Variants in MPP7 observed in about 807,000 individuals in gnomAD.
MPP7 encodes the protein MAGUK p55 subfamily member 7.
Under a neutral mutation model 76.5 loss-of-function variants are expected in MPP7, and 60 were observed. That is an observed-to-expected ratio of 0.78 (90% CI 0.64 to 0.97). MPP7 has a LOEUF of 0.97. MPP7 is among the 50% of genes least tolerant of loss of function. The pLI, the probability that MPP7 is intolerant of heterozygous loss-of-function variation, is 0.00. For missense variants in MPP7, 641 were observed against 694.0 expected, an observed-to-expected ratio of 0.92 and a Z score of 0.86; for synonymous variants, 237 against 244.5, an observed-to-expected ratio of 0.97 and a Z score of 0.29.
chr10:28,120,903 T>C (rs1834815069), intron 8 of MPP7, among the ~76,000 whole-genome samples: 1 of 152,242 alleles, frequency 6.6e-6, no homozygotes, highest in African/African-American at 2.4e-5. Flanking sequence ...TTACTTCCTG[T>C]GTACTTTTAA....
intron 8 of MPP7, among the ~76,000 whole-genome samples, chr10:28,121,378 A>G (rs1834833820): frequency 6.6e-6 from 1 of 152,042 alleles, no homozygotes; most frequent in Non-Finnish European, 1.5e-5. Context: ...TGCAGTTACA[A>G]ATACATGATT....
At chr10:28,148,541 C>A (rs1193446120) in intron 4 of MPP7, among the ~76,000 whole-genome samples, 4 of 151,966 alleles carry the variant, frequency 2.6e-5, no homozygotes, top group Non-Finnish European at 5.9e-5. Context: ...AAAAGAAGGG[C>A]ATAATATAAA....
intron 3 of MPP7, among the ~76,000 whole-genome samples, chr10:28,166,626 C>T (rs189898963): frequency 0.019 from 2,944 of 151,998 alleles, 102 homozygotes; most frequent in African/African-American, 0.067. Flanking sequence ...AGGCTGGTCT[C>T]GAACTCCCGA....
At chr10:28,276,484 T>C (rs786691) in intron 1 of MPP7, among the ~76,000 whole-genome samples, 29,791 of 152,108 alleles carry the variant, frequency 0.2, 3,767 homozygotes, top group Middle Eastern at 0.3. Context: ...ATAGCTTCTA[T>C]ATACAAGGTA....
intron 5 of MPP7, among the ~76,000 whole-genome samples, chr10:28,134,199 C>G (rs769893946): frequency 1.3e-5 from 2 of 152,066 alleles, no homozygotes; most frequent in Non-Finnish European, 2.9e-5. Flanking sequence ...CATTATTAGT[C>G]TAAATTTGGC....
chr10:28,070,964 C>T (rs571625646), intron 12 of MPP7, among the ~76,000 whole-genome samples: 61 of 152,284 alleles, frequency 4.0e-4, no homozygotes, highest in Middle Eastern at 3.4e-3. Context: ...TGTGGTTCAG[C>T]GGGTGACACA....
chr10:28,309,239 C>A (rs961951127), intron 2 of MPP7, among the ~76,000 whole-genome samples: 1 of 152,092 alleles, frequency 6.6e-6, no homozygotes, highest in South Asian at 2.1e-4. Flanking sequence ...CATCGTGAAA[C>A]CCCATCTCTA....
chr10:28,219,932 C>T (rs1838443597), intron 2 of MPP7, among the ~76,000 whole-genome samples: 1 of 152,054 alleles, frequency 6.6e-6, no homozygotes, highest in Non-Finnish European at 1.5e-5. Context: ...TCCAAAACTA[C>T]CTATAGTACA....
chr10:28,117,072 C>A (rs1044997737), intron 11 of MPP7, among the ~76,000 whole-genome samples: 10 of 152,038 alleles, frequency 6.6e-5, no homozygotes. Flanking sequence ...CCCTATAGTT[C>A]CAGAACCATC....
chr10:28,162,641 G>A (rs191641990), intron 3 of MPP7, among the ~76,000 whole-genome samples: 3 of 152,172 alleles, frequency 2.0e-5, no homozygotes, highest in East Asian at 1.9e-4. Context: ...TGCAGCAGGC[G>A]GCCTCTAAAA....
chr10:28,055,454 A>G (rs542904149), intron 16 of MPP7, among the ~76,000 whole-genome samples: 2 of 152,354 alleles, frequency 1.3e-5, no homozygotes, highest in Non-Finnish European at 2.9e-5. Flanking sequence ...CAAGAAAAAA[A>G]TAAGCTCTTC....
At chr10:28,163,959 AG>A (rs1836355233) in intron 3 of MPP7, among the ~76,000 whole-genome samples, 2 of 151,976 alleles carry the variant, frequency 1.3e-5, no homozygotes, top group South Asian at 4.1e-4. Context: ...TAAAAACCAG[AG>A]GAACGATGCT....
rs1280530451 is a variant in MPP7 at position 28,195,089 on chromosome 10, T to G, written c.156+7064A>C. Among the ~76,000 whole-genome samples the G allele has an allele frequency of 2.0e-5, 3 of 152,196 alleles. No individual in the cohort carries two copies. In the East Asian group the frequency reaches 5.8e-4, roughly 29 times the overall value. ...AGAAATGATGGGCAAAGGATCCAAT[T>G]GGACATTTCTCCAAAGAAGACATAC... On this transcript the variant is annotated intron_variant, in intron 3 of 16. Coordinates refer to ENST00000683449, the MANE Select transcript of MPP7 (RefSeq NM_001318170.2).
chr10:28,306,668 T>TAGATAGAGAGAGAG (rs113787029), upstream of MPP7, among the ~76,000 whole-genome samples: 4 of 148,396 alleles, frequency 2.7e-5, no homozygotes, highest in Non-Finnish European at 4.4e-5. Context: ...GATAGATAGA[T>TAGATAGAGAGAGAG]AGAGAGAGAG....
At chr10:28,100,345 A>T (rs1853768259) in intron 11 of MPP7, among the ~76,000 whole-genome samples, 1 of 152,158 alleles carries the variant, frequency 6.6e-6, no homozygotes, top group South Asian at 2.1e-4. Flanking sequence ...CCAATCATAA[A>T]ATTATCCCAA....
intron 11 of MPP7, among the ~76,000 whole-genome samples, chr10:28,101,152 T>C (rs1436470468): frequency 6.6e-6 from 1 of 152,176 alleles, no homozygotes; most frequent in African/African-American, 2.4e-5. Context: ...CCAAGTAGTA[T>C]TCCAGACATG....
At chr10:28,322,133 A>G (rs1195039045) in intron 2 of MPP7, among the ~76,000 whole-genome samples, 5 of 152,114 alleles carry the variant, frequency 3.3e-5, no homozygotes, top group African/African-American at 1.2e-4. Flanking sequence ...TTCCATTTAT[A>G]TAAGGAGCCC....
intron 16 of MPP7, among the ~76,000 whole-genome samples, chr10:28,056,047 T>C (rs1254387035): frequency 6.6e-6 from 1 of 152,182 alleles, no homozygotes; most frequent in African/African-American, 2.4e-5. Flanking sequence ...ATCTTACATC[T>C]TATCTACTGC....
At chr10:28,164,778 T>G (rs1174051051) in intron 3 of MPP7, among the ~76,000 whole-genome samples, 1 of 152,084 alleles carries the variant, frequency 6.6e-6, no homozygotes, top group Non-Finnish European at 1.5e-5. Context: ...AGATTGGACA[T>G]CTTTGTAAGA....
Sources: allele counts gnomAD v4.1 joint callset (sites outside exome capture counted in the v4.1 genomes callset), GRCh38; gene constraint gnomAD v4.1.1; transcripts MANE v1.5; gene names NCBI Gene and HGNC (gene_info 2026-07-23, HGNC 2026-07-21).